The following MACROD2 variants were observed in gnomAD, a reference collection of about 807,000 sequenced individuals.
The protein encoded by MACROD2 is ADP-ribose glycohydrolase MACROD2.
In MACROD2, 36 loss-of-function variants were observed where a neutral mutation model predicts 70.4. The observed-to-expected ratio is 0.51, with a 90% CI of 0.39 to 0.68. MACROD2 has a LOEUF of 0.68. Ranked by LOEUF, MACROD2 falls within the 30% of genes least tolerant of loss-of-function variation. MACROD2 has a pLI of 0.00. For synonymous variants in MACROD2, 172 were observed against 178.8 expected, an observed-to-expected ratio of 0.96 and a Z score of 0.30; for missense variants, 496 against 538.4, an observed-to-expected ratio of 0.92 and a Z score of 0.78.
intron 6 of MACROD2, among the ~76,000 whole-genome samples, chr20:15,420,969 T>TG (rs1365665498): frequency 6.6e-6 from 1 of 152,118 alleles, no homozygotes; most frequent in Non-Finnish European, 1.5e-5. Context: ...GTGCCTATGG[T>TG]CCCAGCTACT....
chr20:15,775,036 C>T (rs6110776), intron 8 of MACROD2, among the ~76,000 whole-genome samples: 2,804 of 152,098 alleles, frequency 0.018, 96 homozygotes, highest in African/African-American at 0.064. Context: ...GCCATTCTGA[C>T]GGGCTGAGAA....
chr20:14,659,604 C>T (rs1204461701), intron 4 of MACROD2, among the ~76,000 whole-genome samples: 1 of 151,896 alleles, frequency 6.6e-6, no homozygotes, highest in Non-Finnish European at 1.5e-5. Context: ...TTCTCTCTAC[C>T]CTCCTCAGGT....
chr20:14,754,795 A>ATT (rs11461670), intron 5 of MACROD2, among the ~76,000 whole-genome samples: 8,806 of 143,696 alleles, frequency 0.061, 391 homozygotes, highest in African/African-American at 0.099. Context: ...AGGTAAAGTG[A>ATT]TTTTTTTTTT....
chr20:15,209,494 T>C (rs1167903595), intron 5 of MACROD2, among the ~76,000 whole-genome samples: 2 of 152,200 alleles, frequency 1.3e-5, no homozygotes, highest in Non-Finnish European at 2.9e-5. Flanking sequence ...GCTTGCCACA[T>C]GTTAAGCACT....
intron 4 of MACROD2, among the ~76,000 whole-genome samples, chr20:14,575,735 A>G (rs1980556753): frequency 2.0e-5 from 3 of 152,222 alleles, no homozygotes; most frequent in African/African-American, 7.2e-5. Context: ...GGAAAAAATT[A>G]TAGTGCCCTG....
At chr20:14,263,970 TAAA>T (rs2082121185) in intron 3 of MACROD2, among the ~76,000 whole-genome samples, 1 of 99,712 alleles carries the variant, frequency 1.0e-5, no homozygotes, top group African/African-American at 4.3e-5. Flanking sequence ...AGACCCTATC[TAAA>T]CACACACACA....
At chr20:15,350,817 T>A (rs1230858486) in intron 6 of MACROD2, among the ~76,000 whole-genome samples, 4 of 152,172 alleles carry the variant, frequency 2.6e-5, no homozygotes, top group East Asian at 3.8e-4. Flanking sequence ...AATTAATGTG[T>A]ATAATAGTTG....
intron 8 of MACROD2, among the ~76,000 whole-genome samples, chr20:15,522,945 A>G (rs2047672708): frequency 1.3e-5 from 2 of 152,226 alleles, no homozygotes; most frequent in South Asian, 4.1e-4. Flanking sequence ...TAGTCCATCT[A>G]TCTCATTACA....
At position 15,355,726 on chromosome 20, in the gene MACROD2, C is replaced by CA. The variant is rs375685393; in HGVS notation, c.541-75676dup. On this transcript the variant is annotated intron_variant, in intron 6 of 17. Transcript: ENST00000684519. ...TGAGTGACTTTATCATTAATAATAA[C>CA]AAAGACAATACTATCACTTACGAAA... Among the ~76,000 whole-genome samples, 210 of 152,264 alleles carry CA rather than the reference C, an allele frequency of 1.4e-3. 1 individual carries two copies. The highest frequency in any genetic ancestry group is 4.9e-3 in the African/African-American group (202 of 41,558).
chr20:14,433,636 C>A, intron 3 of MACROD2, among the ~76,000 whole-genome samples: 1 of 152,038 alleles, frequency 6.6e-6, no homozygotes, highest in Non-Finnish European at 1.5e-5. Context: ...GTTAAGACTA[C>A]TCACAAAACA....
intron 5 of MACROD2, among the ~76,000 whole-genome samples, chr20:15,208,459 G>A (rs192204609): frequency 6.6e-6 from 1 of 152,156 alleles, no homozygotes; most frequent in East Asian, 1.9e-4. Flanking sequence ...GATTTTCCTG[G>A]TTCTTGGTAT....
intron 10 of MACROD2, among the ~76,000 whole-genome samples, chr20:15,909,514 A>ATTT (rs10617621): frequency 2.8e-5 from 2 of 70,812 alleles, no homozygotes; most frequent in African/African-American, 5.9e-5. Flanking sequence ...ACATAATACA[A>ATTT]TTTTTTTTTT....
intron 3 of MACROD2, among the ~76,000 whole-genome samples, chr20:14,088,241 A>G (rs1053932445): frequency 6.6e-6 from 1 of 150,746 alleles, no homozygotes; most frequent in Non-Finnish European, 1.5e-5. Flanking sequence ...GAGGCAGGAG[A>G]ATTGCTTGAA....
intron 2 of MACROD2, among the ~76,000 whole-genome samples, chr20:14,077,946 AG>A (rs2053936158): frequency 7.1e-6 from 1 of 141,666 alleles, no homozygotes; most frequent in Non-Finnish European, 1.5e-5. Context: ...CCTGTTTCCC[AG>A]GCTAGAGTGC....
chr20:15,273,102 G>C (rs773501846), intron 6 of MACROD2, among the ~76,000 whole-genome samples: 2 of 152,166 alleles, frequency 1.3e-5, no homozygotes, highest in Non-Finnish European at 2.9e-5. Flanking sequence ...GATCCCAGGT[G>C]TGTCTATGAG....
chr20:15,560,301 C>G (rs1044595112), intron 8 of MACROD2, among the ~76,000 whole-genome samples: 9 of 152,206 alleles, frequency 5.9e-5, no homozygotes, highest in African/African-American at 2.2e-4. Context: ...CTGTACTACT[C>G]AGGTCACTCA....
intron 4 of MACROD2, among the ~76,000 whole-genome samples, chr20:14,635,840 AT>A (rs1407255277): frequency 6.6e-6 from 1 of 152,208 alleles, no homozygotes; most frequent in African/African-American, 2.4e-5. Context: ...TATATGATTC[AT>A]TTTAATGTAA....
chr20:14,075,138 T>G (rs2053900735), intron 2 of MACROD2, among the ~76,000 whole-genome samples: 1 of 152,164 alleles, frequency 6.6e-6, no homozygotes, highest in African/African-American at 2.4e-5. Context: ...AAGTGCTTCT[T>G]TTAAGTAAAA....
intron 5 of MACROD2, among the ~76,000 whole-genome samples, chr20:15,137,874 A>G (rs1031521220): frequency 2.0e-5 from 3 of 152,128 alleles, no homozygotes; most frequent in African/African-American, 7.2e-5. Flanking sequence ...TTGGAAAAAG[A>G]TGGGGTTAGT....
Sources: gnomAD v4.1 joint callset for allele counts (sites outside exome capture counted in the v4.1 genomes callset) on GRCh38, gnomAD v4.1.1 for gene constraint, MANE v1.5 for transcripts, NCBI Gene and HGNC (gene_info 2026-07-23, HGNC 2026-07-21) for gene names.